PRMT3: variants seen among roughly 807,000 people sequenced by gnomAD.
PRMT3 encodes the protein protein arginine methyltransferase 3.
In PRMT3, 62 loss-of-function variants were observed where a neutral mutation model predicts 71.9. The ratio of observed to expected loss-of-function variants is 0.86; its 90% CI spans 0.70 to 1.07. PRMT3 has a LOEUF of 1.07. Among genes scored for constraint, PRMT3 ranks in the 50% least tolerant of loss-of-function variants. The pLI is 0.00. For synonymous variants in PRMT3, 213 were observed against 220.4 expected, an observed-to-expected ratio of 0.97 and a Z score of 0.30; for missense variants, 663 against 643.0, an observed-to-expected ratio of 1.03 and a Z score of -0.34.
At chr11:20,465,281 T>G (rs1169554920) in intron 13 of PRMT3, among the ~76,000 whole-genome samples, 1 of 152,066 alleles carries the variant, frequency 6.6e-6, no homozygotes, top group Non-Finnish European at 1.5e-5. Flanking sequence ...AGATAACATT[T>G]ACTGCTGTCA....
chr11:20,422,990 G>GGGAA (rs1400319786), intron 9 of PRMT3, among the ~76,000 whole-genome samples: 1 of 152,162 alleles, frequency 6.6e-6, no homozygotes, highest in Non-Finnish European at 1.5e-5. Flanking sequence ...AGCTTATGTA[G>GGGAA]GGAAGGAAGG....
chr11:20,490,098 G>C (rs1443185467), intron 13 of PRMT3, among the ~76,000 whole-genome samples: 1 of 150,780 alleles, frequency 6.6e-6, no homozygotes, highest in Non-Finnish European at 1.5e-5. Flanking sequence ...TTTCTCAACT[G>C]TACGAATGCT....
At chr11:20,442,295 C>CT (rs1565214327) in intron 10 of PRMT3, among the ~76,000 whole-genome samples, 1 of 151,146 alleles carries the variant, frequency 6.6e-6, no homozygotes, top group Non-Finnish European at 1.5e-5. Flanking sequence ...TCAGTGTTTT[C>CT]TTTTTTTCAA....
chr11:20,416,349 A>G (rs771017179), intron 9 of PRMT3, among the ~76,000 whole-genome samples: 1 of 152,168 alleles, frequency 6.6e-6, no homozygotes, highest in South Asian at 2.1e-4. Flanking sequence ...ATTTTGGTAT[A>G]TTTCTTGCCA....
At chr11:20,435,394 G>A (rs10833324) in intron 10 of PRMT3, among the ~76,000 whole-genome samples, 124,547 of 151,876 alleles carry the variant, frequency 0.82, 52,999 homozygotes, top group Non-Finnish European at 0.95. Context: ...TAGAGATGGG[G>A]TTTTGCCATA....
At chr11:20,401,569 A>C (rs1000818154) in intron 7 of PRMT3, among the ~76,000 whole-genome samples, 2 of 152,164 alleles carry the variant, frequency 1.3e-5, no homozygotes, top group Non-Finnish European at 2.9e-5. Context: ...TTGGCATAAA[A>C]ATGTATTGGG....
At chr11:20,501,415 T>C (rs1851455638) in intron 15 of PRMT3, among the ~76,000 whole-genome samples, 1 of 152,144 alleles carries the variant, frequency 6.6e-6, no homozygotes, top group African/African-American at 2.4e-5. Flanking sequence ...AGTGTCCATA[T>C]TTGGATGGCC....
chr11:20,508,252 C>G, intron 15 of PRMT3, 52 bp from the exon 16 acceptor site: 1 of 1,043,974 alleles, frequency 9.6e-7, no homozygotes, highest in South Asian at 1.4e-5. Flanking sequence ...GTTTACTTTT[C>G]TGCTACACTG....
chr11:20,411,695 T>C (rs1048942001), intron 9 of PRMT3, among the ~76,000 whole-genome samples: 1 of 152,130 alleles, frequency 6.6e-6, no homozygotes, highest in East Asian at 1.9e-4. Context: ...TAAGTTTATA[T>C]TCAGTTAAAG....
chr11:20,437,554 G>A (rs913363599), intron 10 of PRMT3, among the ~76,000 whole-genome samples: 3 of 150,928 alleles, frequency 2.0e-5, no homozygotes. Context: ...GGTATAGGCT[G>A]TAGAAGTTTG....
chr11:20,441,313 TTATA>T (rs1180933923), intron 10 of PRMT3, among the ~76,000 whole-genome samples: 79 of 112,562 alleles, frequency 7.0e-4, no homozygotes, highest in Middle Eastern at 4.8e-3. Flanking sequence ...ATTTATTTAT[TTATA>T]TATTTTGAGA....
intron 15 of PRMT3, among the ~76,000 whole-genome samples, chr11:20,495,901 A>C (rs183349950): frequency 6.6e-6 from 1 of 152,206 alleles, no homozygotes; most frequent in African/African-American, 2.4e-5. Context: ...TTGTCCATCA[A>C]TTGGGGGAAG....
In PRMT3 at chr11:20,453,298, T is replaced by C. The variant is rs1590075206; in HGVS notation, c.1072+1090T>C. On this transcript the variant is annotated intron_variant, in intron 11 of 15. Coordinates refer to ENST00000331079, the MANE Select transcript of PRMT3 (RefSeq NM_005788.4). ...GAGTTCAAGACCAGCCTGACCAATA[T>C]AGTGAAACCCCGTCTTTACTAAAAA... 3.0e-5 allele frequency among the ~76,000 whole-genome samples: 4 copies of C among 133,374 alleles called. 1 individual carries two copies. 87.5% of individuals were successfully genotyped at this position (133,374 alleles called of 152,430 possible). A position where few individuals can be genotyped will look rare whatever the true frequency, so the allele number is the denominator to read the frequency against.
chr11:20,443,570 T>C (rs1590068543), intron 10 of PRMT3, among the ~76,000 whole-genome samples: 1 of 152,214 alleles, frequency 6.6e-6, no homozygotes, highest in African/African-American at 2.4e-5. Flanking sequence ...GTAATAGATA[T>C]TCGTTGAGAG....
At chr11:20,403,324 A>C (rs774552917) in intron 8 of PRMT3, among the ~76,000 whole-genome samples, 2 of 152,214 alleles carry the variant, frequency 1.3e-5, no homozygotes, top group Non-Finnish European at 2.9e-5. Flanking sequence ...TCAGATAAGC[A>C]CCATGTCATA....
chr11:20,447,606 C>G (rs1268085831), intron 10 of PRMT3, among the ~76,000 whole-genome samples: 2 of 152,062 alleles, frequency 1.3e-5, no homozygotes, highest in African/African-American at 2.4e-5. Flanking sequence ...TACTTTGTTA[C>G]ATGAATATGT....
At chr11:20,462,892 G>T (rs1850418673) in intron 12 of PRMT3, among the ~76,000 whole-genome samples, 1 of 151,230 alleles carries the variant, frequency 6.6e-6, no homozygotes, top group African/African-American at 2.4e-5. Flanking sequence ...AAAAAAAAGA[G>T]TCTCACTCTG....
Position 20,397,700 on chromosome 11 carries a change from G to A in PRMT3, c.684G>A (p.Gly228=). 1.2e-6 allele frequency: 2 copies of A among 1,613,938 alleles called. No individual in the cohort carries two copies. Among genetic ancestry groups the A allele is most frequent in the Non-Finnish European group, 1.7e-6 (2 of 1,179,940 alleles). Residue 228 remains glycine (G), a synonymous_variant, in exon 7 of 16, where the codon GGG becomes GGA. Transcript: ENST00000331079. ...GVYFSSYGHY[G]IHEEMLKDKI... Reference sequence around the variant, plus strand: ...ATTTCAGCTCATACGGGCATTATGGGATACATGAAGAAATGCTAAAGGTTA... The same window carrying A: ...ATTTCAGCTCATACGGGCATTATGGAATACATGAAGAAATGCTAAAGGTTA...
intron 15 of PRMT3, 84 bp downstream of exon 15, chr11:20,494,338 C>A: frequency 8.5e-7 from 1 of 1,176,630 alleles, no homozygotes. Context: ...TTTTTATGTG[C>A]ACACTATATT....
Sources: allele counts gnomAD v4.1 joint callset (sites outside exome capture counted in the v4.1 genomes callset), GRCh38; gene constraint gnomAD v4.1.1; transcripts MANE v1.5; gene names NCBI Gene and HGNC (gene_info 2026-07-23, HGNC 2026-07-21).